RARA: variants seen among roughly 807,000 people sequenced by gnomAD.
The protein encoded by RARA is retinoic acid receptor alpha.
A neutral mutation model predicts 42.8 loss-of-function variants in RARA; 5 were observed. That is an observed-to-expected ratio of 0.12 (90% confidence interval 0.06 to 0.25). RARA has a LOEUF of 0.25. Ranked by LOEUF, RARA falls within the 10% of genes least tolerant of loss-of-function variation. The pLI, the probability that RARA is intolerant of heterozygous loss-of-function variation, is 1.00. For missense variants in RARA, 402 were observed against 628.7 expected, an observed-to-expected ratio of 0.64 and a Z score of 3.86; for synonymous variants, 256 against 259.5, an observed-to-expected ratio of 0.99 and a Z score of 0.13.
chr17:40,316,802 G>C (rs1382764784), intron 1 of RARA, among the ~76,000 whole-genome samples: 1 of 140,516 alleles, frequency 7.1e-6, no homozygotes, highest in African/African-American at 2.5e-5. Flanking sequence ...GATGAATCTG[G>C]ACAGGACAGG....
chr17:40,320,793 G>C lies in RARA; in HGVS notation c.-362-10064G>C, dbSNP rs1461804076. On this transcript the variant is annotated intron_variant, in intron 1 of 8. Coordinates refer to ENST00000254066, the MANE Select transcript of RARA (RefSeq NM_000964.4). The surrounding 1 kb of genome is among the most constrained non-coding windows in gnomAD (Gnocchi z 4.1). The stretch of plus-strand genomic sequence containing the variant: ...TATTTGGGAGCACTGCCTGGGATCT[G>C]GGGTGATAGGCATCTGGGGATGGTA... 6.6e-6 allele frequency among the ~76,000 whole-genome samples: 1 copy of C among 152,192 alleles called. No homozygotes were observed. The highest frequency in any genetic ancestry group is 2.4e-5 in the African/African-American group (1 of 41,438).
At chr17:40,332,508 T>A (rs977408172) in intron 2 of RARA, among the ~76,000 whole-genome samples, 1 of 152,074 alleles carries the variant, frequency 6.6e-6, no homozygotes, top group Non-Finnish European at 1.5e-5. Context: ...GGGGCAGCGC[T>A]CTCTCCCCGG....
chr17:40,334,957 T>C (rs944750297), intron 2 of RARA, among the ~76,000 whole-genome samples: 3 of 152,104 alleles, frequency 2.0e-5, no homozygotes, highest in African/African-American at 7.2e-5. Flanking sequence ...CCGGCGATTC[T>C]CCCCGCCCCC....
At position 40,351,629 on chromosome 17, in the gene RARA, G is replaced by A; in HGVS notation, c.470-281G>A. On this transcript the variant is annotated intron_variant, in intron 4 of 8. Transcript: ENST00000254066. This position sits in a 1 kb window ranked among gnomAD's most constrained non-coding sequence, Gnocchi z 4.1. Reference sequence around the variant, plus strand: ...GAGTGTGAGCTGGAGTAGACGCGTGGGGGATAGCATGCGGCTGGCTATGGG... The same window carrying A: ...GAGTGTGAGCTGGAGTAGACGCGTGAGGGATAGCATGCGGCTGGCTATGGG... The A allele has an allele frequency of 1.9e-6, 1 of 524,358 alleles. No individual in the cohort carries two copies. The highest frequency in any genetic ancestry group is 3.5e-6 in the Non-Finnish European group (1 of 282,016). 32.5% of individuals were successfully genotyped at this position (524,358 alleles called of 1,614,324 possible). A position where few individuals can be genotyped will look rare whatever the true frequency, so the allele number is the denominator to read the frequency against.
At position 40,320,805 on chromosome 17, in the gene RARA, A is replaced by T. The variant is rs1329238260; in HGVS notation, c.-362-10052A>T. Among the ~76,000 whole-genome samples the T allele has an allele frequency of 3.9e-5, 6 of 152,148 alleles. No homozygotes were observed. In the East Asian group the frequency reaches 9.6e-4, roughly 24 times the overall value. The stretch of plus-strand genomic sequence containing the variant: ...CTGCCTGGGATCTGGGGTGATAGGC[A>T]TCTGGGGATGGTAATCCTGTCCCTG... On this transcript the variant is annotated intron_variant, in intron 1 of 8. Transcript: ENST00000254066. The surrounding 1 kb of genome is among the most constrained non-coding windows in gnomAD (Gnocchi z 4.1).
intron 1 of RARA, among the ~76,000 whole-genome samples, chr17:40,315,287 C>T (rs899984364): frequency 6.6e-6 from 1 of 151,338 alleles, no homozygotes; most frequent in African/African-American, 2.4e-5. Flanking sequence ...CAACTCCTGG[C>T]GTCCCATCTT....
chr17:40,332,265 G>A (rs914610266), intron 2 of RARA, among the ~76,000 whole-genome samples: 10 of 152,224 alleles, frequency 6.6e-5, no homozygotes, highest in East Asian at 1.9e-4. Flanking sequence ...GGAGGGAGCC[G>A]GGGCCTGGCC....
intron 2 of RARA, 168 bp from the exon 3 acceptor site, chr17:40,348,148 T>G: frequency 1.2e-6 from 1 of 805,306 alleles, no homozygotes; most frequent in Non-Finnish European, 1.8e-6. Flanking sequence ...ATTGGCAGCC[T>G]CCTGCCCTGA....
At chr17:40,321,940 C>G (rs530541748) in intron 1 of RARA, among the ~76,000 whole-genome samples, 1 of 152,322 alleles carries the variant, frequency 6.6e-6, no homozygotes, top group East Asian at 1.9e-4. Context: ...TGATGACCCC[C>G]ACCCCCATCC....
chr17:40,321,829 C>A (rs534213454), intron 1 of RARA, among the ~76,000 whole-genome samples: 4 of 152,172 alleles, frequency 2.6e-5, no homozygotes, highest in Non-Finnish European at 5.9e-5. Flanking sequence ...CTCCACCCCC[C>A]CAACTGGATA....
chr17:40,315,483 T>A (rs977513040), intron 1 of RARA, among the ~76,000 whole-genome samples: 6 of 151,560 alleles, frequency 4.0e-5, no homozygotes, highest in African/African-American at 7.3e-5. Context: ...TCAAATGGAG[T>A]GGGACTATTA....
At position 40,349,882 on chromosome 17, in the gene RARA, C is replaced by T; in HGVS notation, c.426C>T (p.Tyr142=). Residue 142 remains tyrosine (Y), a synonymous_variant, in exon 4 of 9, where the codon TAC becomes TAT. Coordinates refer to ENST00000254066, the MANE Select transcript of RARA (RefSeq NM_000964.4). ...INKVTRNRCQ[Y]CRLQKCFEVG... The stretch of plus-strand genomic sequence containing the variant: ...AGGTGACCCGGAACCGCTGCCAGTA[C>T]TGCCGACTGCAGAAGTGCTTTGAAG... 6.2e-7 allele frequency: 1 copy of T among 1,614,256 alleles called. No individual in the cohort carries two copies. The highest frequency in any genetic ancestry group is 8.5e-7 in the Non-Finnish European group (1 of 1,180,042).
At chr17:40,330,163 C>T (rs952447654) in intron 1 of RARA, among the ~76,000 whole-genome samples, 1 of 152,192 alleles carries the variant, frequency 6.6e-6, no homozygotes, top group Non-Finnish European at 1.5e-5. Flanking sequence ...GTGGGTGAAC[C>T]TTGAGATCAA....
In RARA at chr17:40,352,626, G is replaced by C; in HGVS notation, c.807+119G>C. The C allele has an allele frequency of 1.0e-6, 1 of 978,984 alleles. No homozygotes were observed. Among genetic ancestry groups the C allele is most frequent in the East Asian group, 2.9e-5 (1 of 34,438 alleles). 60.6% of individuals were successfully genotyped at this position (978,984 alleles called of 1,614,324 possible). A position where few individuals can be genotyped will look rare whatever the true frequency, so the allele number is the denominator to read the frequency against. ...CAATCAACCTGTCCAAATGCCCACC[G>C]CCCAAATGTCTGCCCTTCCTCTCCC... On this transcript the variant is annotated intron_variant, in intron 6 of 8. Coordinates refer to ENST00000254066, the MANE Select transcript of RARA (RefSeq NM_000964.4). The surrounding 1 kb of genome is among the most constrained non-coding windows in gnomAD (Gnocchi z 4.9).
chr17:40,317,073 A>G (rs1000413370), intron 1 of RARA, among the ~76,000 whole-genome samples: 1 of 152,250 alleles, frequency 6.6e-6, no homozygotes, highest in African/African-American at 2.4e-5. Flanking sequence ...GCGACTGTGC[A>G]CAAAACCCAG....
chr17:40,356,013 T>A lies in RARA; in HGVS notation c.1176T>A (p.Ala392=). 6.3e-7 allele frequency: 1 copy of A among 1,598,752 alleles called. No homozygotes were observed. Among genetic ancestry groups the A allele is most frequent in the Non-Finnish European group, 8.5e-7 (1 of 1,174,028 alleles). The part of the protein sequence containing the change: ...TDLRSISAKG[A]ERVITLKMEI... ...CTGCCCCCTCCTTTCCTGCAGGGGC[T>A]GAGCGGGTGATCACGCTGAAGATGG... The change falls in exon 9 of 9, where the codon GCT becomes GCA. Residue 392 remains alanine (A), a synonymous_variant. Transcript: ENST00000254066.
chr17:40,339,010 T>A lies in RARA; in HGVS notation c.178+7614T>A, dbSNP rs376326963. Among the ~76,000 whole-genome samples the A allele has an allele frequency of 1.2e-4, 19 of 152,218 alleles. No homozygotes were observed. The East Asian group carries it at 2.7e-3, about 22-fold the overall frequency. The stretch of plus-strand genomic sequence containing the variant: ...TCTAGCCTGGGTGACAGAACGAGAC[T>A]CTGTCTCAAATAAATAAATAAAAAT... On this transcript the variant is annotated intron_variant, in intron 2 of 8. Transcript: ENST00000254066.
rs1419067649 is a variant in RARA, at chr17:40,331,246, A to G, written c.28A>G (p.Thr10Ala). 4 of 1,612,890 alleles carry G rather than the reference A, an allele frequency of 2.5e-6. No individual in the cohort carries two copies. The highest frequency in any genetic ancestry group is 3.4e-6 in the Non-Finnish European group (4 of 1,179,742). Reference sequence around the variant, plus strand: ...GGCCAGCAACAGCAGCTCCTGCCCGACACCTGGGGGCGGGCACCTCAATGG... The same window carrying G: ...GGCCAGCAACAGCAGCTCCTGCCCGGCACCTGGGGGCGGGCACCTCAATGG... MASNSSSCP[T>A]PGGGHLNGYP... The change falls in exon 2 of 9, where the codon ACA (threonine) becomes GCA (alanine). Residue 10 changes from threonine (T) to alanine (A), a missense_variant. Thr to Ala is a moderately conservative substitution (Grantham distance 58). Transcript: ENST00000254066.
chr17:40,311,145 C>T (rs947237388), intron 1 of RARA, among the ~76,000 whole-genome samples: 4 of 152,008 alleles, frequency 2.6e-5, no homozygotes, highest in African/African-American at 9.7e-5. Context: ...GCCCAGTGGC[C>T]TCCTTGTCTG....
Sources: gnomAD v4.1 joint callset for allele counts (sites outside exome capture counted in the v4.1 genomes callset) on GRCh38, gnomAD v4.1.1 for gene constraint, Gnocchi (gnomAD v3.1) non-coding constraint, MANE v1.5 for transcripts, NCBI Gene and HGNC (gene_info 2026-07-23, HGNC 2026-07-21) for gene names.